The following TRIM2 variants were observed in gnomAD, a reference collection of about 807,000 sequenced individuals.
TRIM2 encodes the protein tripartite motif containing 2.
A neutral mutation model predicts 75.2 loss-of-function variants in TRIM2; 20 were observed. That is an observed-to-expected ratio of 0.27 (90% CI 0.19 to 0.39). TRIM2 has a LOEUF of 0.39. Among genes scored for constraint, TRIM2 ranks in the 10% least tolerant of loss-of-function variants. TRIM2 has a pLI of 1.00. For missense variants in TRIM2, 660 were observed against 990.8 expected, an observed-to-expected ratio of 0.67 and a Z score of 4.48; for synonymous variants, 373 against 388.3, an observed-to-expected ratio of 0.96 and a Z score of 0.46.
At chr4:153,322,594 G>A in intron 8 of TRIM2, 54 bp from the exon 9 acceptor site, 1 of 1,577,646 alleles carries the variant, frequency 6.3e-7, no homozygotes. Flanking sequence ...GTTCTGTAGT[G>A]GTTTAAACTT....
At chr4:153,258,908 A>G (rs115047511) in intron 1 of TRIM2, among the ~76,000 whole-genome samples, 1,894 of 152,278 alleles carry the variant, frequency 0.012, 27 homozygotes, top group African/African-American at 0.043. Context: ...CTAACCCACT[A>G]TAATGTTAAA....
At chr4:153,300,153 G>A (rs1192189612) in intron 6 of TRIM2, among the ~76,000 whole-genome samples, 1 of 152,178 alleles carries the variant, frequency 6.6e-6, no homozygotes, top group Non-Finnish European at 1.5e-5. Context: ...ATTTTTTGAA[G>A]AACTTCTATA....
At chr4:153,267,810 C>A (rs763867197) in intron 1 of TRIM2, among the ~76,000 whole-genome samples, 26 of 151,742 alleles carry the variant, frequency 1.7e-4, no homozygotes, top group Non-Finnish European at 2.1e-4. Context: ...TTCTTTCTTT[C>A]GTAACCACCC....
intron 1 of TRIM2, among the ~76,000 whole-genome samples, chr4:153,245,779 C>T (rs75227341): frequency 0.018 from 2,745 of 152,234 alleles, 68 homozygotes; most frequent in African/African-American, 0.061. Context: ...CGGGTTCAAG[C>T]GATCCTCCCA....
At chr4:153,312,410 A>T (rs1766564146) in intron 6 of TRIM2, among the ~76,000 whole-genome samples, 1 of 152,068 alleles carries the variant, frequency 6.6e-6, no homozygotes, top group African/African-American at 2.4e-5. Flanking sequence ...ATGAACAGAC[A>T]CTTCTCAAAA....
At chr4:153,165,915 C>A (rs977752544) in intron 1 of TRIM2, among the ~76,000 whole-genome samples, 1 of 151,908 alleles carries the variant, frequency 6.6e-6, no homozygotes, top group African/African-American at 2.4e-5. Context: ...AAATGTATGC[C>A]TCTCATTTAT....
intron 3 of TRIM2, among the ~76,000 whole-genome samples, chr4:153,285,181 T>C (rs1014266576): frequency 2.6e-5 from 4 of 152,230 alleles, no homozygotes; most frequent in African/African-American, 4.8e-5. Flanking sequence ...CAGCATAATA[T>C]GTTGAAAAGG....
At chr4:153,200,991 T>C (rs982767860), upstream of TRIM2, among the ~76,000 whole-genome samples, 1 of 151,932 alleles carries the variant, frequency 6.6e-6, no homozygotes, top group Admixed American at 6.6e-5. Context: ...TGAGACATAG[T>C]CTTGCTCCGT....
intron 1 of TRIM2, among the ~76,000 whole-genome samples, chr4:153,232,593 T>C (rs1743938796): frequency 2.0e-5 from 3 of 151,690 alleles, no homozygotes; most frequent in Non-Finnish European, 4.4e-5. Context: ...GAGAGTGGAC[T>C]GACCCCAGCA....
intron 6 of TRIM2, among the ~76,000 whole-genome samples, chr4:153,301,782 T>G (rs1763975616): frequency 6.6e-6 from 1 of 152,212 alleles, no homozygotes; most frequent in African/African-American, 2.4e-5. Context: ...GCATCTTTGT[T>G]GAAAATCAAC....
chr4:153,276,172 A>C (rs577378339), intron 3 of TRIM2, 42 bp downstream of exon 3: 1 of 1,549,208 alleles, frequency 6.5e-7, no homozygotes, highest in South Asian at 1.1e-5. Flanking sequence ...GAGCATGACT[A>C]CTGTGGCCTT....
chr4:153,177,144 A>G (rs757889170), intron 1 of TRIM2, among the ~76,000 whole-genome samples: 2 of 152,212 alleles, frequency 1.3e-5, no homozygotes, highest in Non-Finnish European at 2.9e-5. Context: ...GCCATTTCCT[A>G]CATTCCAGCT....
chr4:153,315,773 GC>G, intron 7 of TRIM2, 58 bp from the exon 8 acceptor site: 1 of 1,592,352 alleles, frequency 6.3e-7, no homozygotes, highest in Non-Finnish European at 8.6e-7. Flanking sequence ...TTCTGCCTAT[GC>G]CTTCCTCAGC....
chr4:153,227,343 G>A (rs919566645), intron 1 of TRIM2, among the ~76,000 whole-genome samples: 6 of 152,260 alleles, frequency 3.9e-5, no homozygotes, highest in South Asian at 2.1e-4. Flanking sequence ...CCTGGGTAGC[G>A]CCAAAATAAC....
chr4:153,314,815 G>A (rs896741440), intron 6 of TRIM2, among the ~76,000 whole-genome samples: 2 of 152,106 alleles, frequency 1.3e-5, no homozygotes, highest in Admixed American at 6.6e-5. Flanking sequence ...TGTGGCCTTC[G>A]GTTTGTCAAA....
chr4:153,198,025 C>T (rs1035286566), intron 1 of TRIM2, among the ~76,000 whole-genome samples: 9 of 152,150 alleles, frequency 5.9e-5, no homozygotes, highest in Non-Finnish European at 1.2e-4. Flanking sequence ...TTCCAGCCTC[C>T]AGAACTGTAA....
chr4:153,271,554 G>T (rs1453950341), intron 2 of TRIM2, among the ~76,000 whole-genome samples: 1 of 151,986 alleles, frequency 6.6e-6, no homozygotes. Context: ...TTTTTTGTTT[G>T]TTTTGGGTTG....
intron 1 of TRIM2, among the ~76,000 whole-genome samples, chr4:153,230,355 A>G (rs1278358346): frequency 6.6e-6 from 1 of 151,944 alleles, no homozygotes; most frequent in Non-Finnish European, 1.5e-5. Flanking sequence ...TACTTTTTGT[A>G]TATTTTTTGC....
At chr4:153,196,266 C>A (rs912428390) in intron 1 of TRIM2, among the ~76,000 whole-genome samples, 4 of 146,242 alleles carry the variant, frequency 2.7e-5, no homozygotes, top group Admixed American at 2.0e-4. Flanking sequence ...TCCTACCACC[C>A]CCCCCCACAC....
Sources: gnomAD v4.1 joint callset for allele counts (sites outside exome capture counted in the v4.1 genomes callset) on GRCh38, gnomAD v4.1.1 for gene constraint, MANE v1.5 for transcripts, NCBI Gene and HGNC (gene_info 2026-07-23, HGNC 2026-07-21) for gene names.